Variants in RBFOX1 observed in about 807,000 individuals in gnomAD.
The protein encoded by RBFOX1 is RNA binding fox-1 homolog 1.
In RBFOX1, 8 loss-of-function variants were observed where a neutral mutation model predicts 57.7. The observed-to-expected ratio is 0.14, with a 90% confidence interval of 0.08 to 0.25. The LOEUF is 0.25. RBFOX1 is among the 10% of genes least tolerant of loss of function. RBFOX1 has a pLI of 1.00. For synonymous variants in RBFOX1, 326 were observed against 222.4 expected, an observed-to-expected ratio of 1.47 and a Z score of -4.15; for missense variants, 611 against 548.5, an observed-to-expected ratio of 1.11 and a Z score of -1.14.
At chr16:6,622,141 G>GGA (rs1363136119) in intron 2 of RBFOX1, among the ~76,000 whole-genome samples, 3 of 152,126 alleles carry the variant, frequency 2.0e-5, no homozygotes, top group Non-Finnish European at 2.9e-5. Flanking sequence ...CATTCCTTAA[G>GGA]TACTTTATTG....
Position 6,372,078 on chromosome 16 carries a change from G to A in RBFOX1, c.-64+55021G>A, listed in dbSNP as rs1482290034. 5.9e-5 allele frequency among the ~76,000 whole-genome samples: 9 copies of A among 152,200 alleles called. No homozygotes were observed. The East Asian group carries it at 1.7e-3, about 29-fold the overall frequency. Reference sequence around the variant, plus strand: ...GATGGTTGGTTAGGATCATTGGGTAGGAGGGTGGATGGGTGGAGTGGAGAT... The same window carrying A: ...GATGGTTGGTTAGGATCATTGGGTAAGAGGGTGGATGGGTGGAGTGGAGAT... On this transcript the variant is annotated intron_variant, in intron 2 of 15. Transcript: ENST00000550418.
At chr16:5,611,990 T>C (rs62016929) in intron 3 of RBFOX1, among the ~76,000 whole-genome samples, 15,875 of 151,764 alleles carry the variant, frequency 0.1, 1,298 homozygotes, top group East Asian at 0.39. Flanking sequence ...CAGCCAGATG[T>C]AGTAGCATGC....
chr16:6,756,149 GC>G (rs1476269220), intron 3 of RBFOX1, among the ~76,000 whole-genome samples: 2 of 152,008 alleles, frequency 1.3e-5, no homozygotes, highest in African/African-American at 4.8e-5. Flanking sequence ...TTAATTTCAA[GC>G]ATTTAAAAAA....
At chr16:7,709,235 A>AATT in intron 15 of RBFOX1, 104 bp downstream of exon 15, 5 of 1,171,060 alleles carry the variant, frequency 4.3e-6, no homozygotes, top group Non-Finnish European at 6.1e-6. Context: ...CCGTTAATTG[A>AATT]ATTTGTCTCT....
chr16:7,487,639 A>C (rs953129638), intron 4 of RBFOX1, among the ~76,000 whole-genome samples: 5 of 152,140 alleles, frequency 3.3e-5, no homozygotes, highest in Non-Finnish European at 7.4e-5. Flanking sequence ...TCATATACAT[A>C]TAGAAACACG....
chr16:6,979,309 A>C (rs1018482265), intron 3 of RBFOX1, among the ~76,000 whole-genome samples: 7 of 152,206 alleles, frequency 4.6e-5, no homozygotes, highest in Non-Finnish European at 8.8e-5. Flanking sequence ...AACACGCAGG[A>C]TATAATAGCA....
chr16:6,725,540 C>G (rs2066994860), intron 3 of RBFOX1, among the ~76,000 whole-genome samples: 1 of 152,104 alleles, frequency 6.6e-6, no homozygotes, highest in South Asian at 2.1e-4. Flanking sequence ...GGAAAACTCA[C>G]AAATAATCCA....
At chr16:6,209,620 T>G (rs561200545) in intron 1 of RBFOX1, among the ~76,000 whole-genome samples, 68 of 152,368 alleles carry the variant, frequency 4.5e-4, no homozygotes, top group African/African-American at 1.6e-3. Context: ...ACCATCCTCC[T>G]GCCCTAAAAC....
At chr16:6,805,244 T>C (rs1241297676) in intron 3 of RBFOX1, among the ~76,000 whole-genome samples, 1 of 152,158 alleles carries the variant, frequency 6.6e-6, no homozygotes, top group Non-Finnish European at 1.5e-5. Context: ...TGCAGGAACA[T>C]GGATGGAGCT....
chr16:6,276,439 A>T (rs1041636018), intron 1 of RBFOX1, among the ~76,000 whole-genome samples: 4 of 152,160 alleles, frequency 2.6e-5, no homozygotes, highest in Admixed American at 6.5e-5. Context: ...GGTTCATTCA[A>T]GTGGTTCTGG....
chr16:7,564,817 A>G (rs1320669911), intron 5 of RBFOX1, among the ~76,000 whole-genome samples: 1 of 152,190 alleles, frequency 6.6e-6, no homozygotes, highest in African/African-American at 2.4e-5. Flanking sequence ...CCAAGGAATA[A>G]AAATAGCAAA....
intron 3 of RBFOX1, among the ~76,000 whole-genome samples, chr16:5,775,931 C>T (rs550615378): frequency 6.6e-6 from 1 of 152,226 alleles, no homozygotes; most frequent in African/African-American, 2.4e-5. Context: ...CTTGAGGTGC[C>T]CCTGTTCTTG....
At chr16:6,112,520 G>A (rs765109148) in intron 1 of RBFOX1, among the ~76,000 whole-genome samples, 5 of 152,046 alleles carry the variant, frequency 3.3e-5, no homozygotes, top group African/African-American at 7.2e-5. Flanking sequence ...GAGAAACCCC[G>A]TCTCTACTAA....
chr16:7,377,307 C>T (rs375701769), intron 4 of RBFOX1, among the ~76,000 whole-genome samples: 2 of 152,126 alleles, frequency 1.3e-5, no homozygotes, highest in African/African-American at 4.8e-5. Flanking sequence ...TCCGTATCAC[C>T]CACGTGAGGT....
At chr16:5,372,203 CA>C (rs2065875190) in intron 1 of RBFOX1, among the ~76,000 whole-genome samples, 1 of 152,158 alleles carries the variant, frequency 6.6e-6, no homozygotes, top group African/African-American at 2.4e-5. Flanking sequence ...CAGCCAAGGC[CA>C]GCTGGGATGT....
chr16:6,518,833 ATCTATCTATCTATCTG>A (rs752027125), intron 2 of RBFOX1, among the ~76,000 whole-genome samples: 3,300 of 135,662 alleles, frequency 0.024, 81 homozygotes, highest in African/African-American at 0.064. Context: ...CTATCTATCT[ATCTATCTATCTATCTG>A]TCTTCCTGCA....
intron 3 of RBFOX1, among the ~76,000 whole-genome samples, chr16:6,883,422 T>A (rs991696734): frequency 1.5e-4 from 23 of 152,210 alleles, no homozygotes; most frequent in African/African-American, 5.5e-4. Context: ...TTAATTAATG[T>A]GTTGGTTCAT....
chr16:5,667,751 C>T (rs959661351), intron 3 of RBFOX1, among the ~76,000 whole-genome samples: 3 of 152,176 alleles, frequency 2.0e-5, no homozygotes, highest in Non-Finnish European at 4.4e-5. Flanking sequence ...TTAGCTCTAG[C>T]ACCAAGCCAG....
chr16:5,377,616 C>CAG (rs145559003), intron 1 of RBFOX1, among the ~76,000 whole-genome samples: 5 of 149,972 alleles, frequency 3.3e-5, no homozygotes, highest in South Asian at 2.1e-4. Flanking sequence ...AAGAGAGAGA[C>CAG]AGAGAGAGAG....
Sources: gnomAD v4.1 joint callset for allele counts (sites outside exome capture counted in the v4.1 genomes callset) on GRCh38, gnomAD v4.1.1 for gene constraint, MANE v1.5 for transcripts, NCBI Gene and HGNC (gene_info 2026-07-23, HGNC 2026-07-21) for gene names.